AHI1: variants seen among roughly 807,000 people sequenced by gnomAD.
AHI1 encodes the protein jouberin.
AHI1 carries 123 observed loss-of-function variants against 149.3 expected under a neutral mutation model. The ratio of observed to expected loss-of-function variants is 0.82; its 90% CI spans 0.71 to 0.96. The LOEUF (loss-of-function observed/expected upper bound fraction) is 0.96, where lower values mean the gene tolerates loss of function less well. AHI1 is among the 40% of genes least tolerant of loss of function. AHI1 has a pLI of 0.00. For missense variants in AHI1, 1,439 were observed against 1,422.7 expected (o/e 1.01, Z -0.18); for synonymous variants, 475 against 459.8 (o/e 1.03, Z -0.42).
intron 5 of AHI1, among the ~76,000 whole-genome samples, chr6:135,471,752 C>T (rs1174222233): frequency 6.6e-6 from 1 of 151,966 alleles, no homozygotes; most frequent in African/African-American, 2.4e-5. Context: ...GTGGCTCACG[C>T]CTGTAATCCC....
At chr6:135,298,961 C>G (rs1185375046) in intron 27 of AHI1, among the ~76,000 whole-genome samples, 1 of 152,048 alleles carries the variant, frequency 6.6e-6, no homozygotes, top group Non-Finnish European at 1.5e-5. Context: ...GAGCACTGTT[C>G]CCATGATGTG....
At chr6:135,389,520 AGGTCTAAC>A (rs1778156242) in intron 23 of AHI1, among the ~76,000 whole-genome samples, 1 of 152,174 alleles carries the variant, frequency 6.6e-6, no homozygotes, top group Non-Finnish European at 1.5e-5. Flanking sequence ...TAGTTTTACA[AGGTCTAAC>A]GGAGAACACA....
chr6:135,302,837 C>T (rs1468917625), intron 26 of AHI1: 1 of 1,288,590 alleles, frequency 7.8e-7, no homozygotes, highest in Non-Finnish European at 1.0e-6. Context: ...AAAAAGCCCC[C>T]AAGGCTGGTG....
chr6:135,475,849 G>A (rs770019163), intron 5 of AHI1, among the ~76,000 whole-genome samples: 2 of 152,092 alleles, frequency 1.3e-5, no homozygotes, highest in South Asian at 2.1e-4. Flanking sequence ...TGAGTCCTGT[G>A]AGTCTCTCTA....
At chr6:135,400,981 C>T (rs1779952863) in intron 22 of AHI1, among the ~76,000 whole-genome samples, 1 of 152,180 alleles carries the variant, frequency 6.6e-6, no homozygotes. Context: ...TGGGTCCTAT[C>T]CTTAACCTCA....
At chr6:135,287,093 T>G (rs900815930) in intron 28 of AHI1, among the ~76,000 whole-genome samples, 1 of 151,962 alleles carries the variant, frequency 6.6e-6, no homozygotes, top group East Asian at 1.9e-4. Flanking sequence ...GAGTTCATGT[T>G]AGTGGGAGGA....
intron 28 of AHI1, 29 bp from the exon 29 acceptor site, chr6:135,285,676 A>C (rs1477687999): frequency 6.3e-7 from 1 of 1,580,844 alleles, no homozygotes; most frequent in Non-Finnish European, 8.6e-7. Flanking sequence ...AAAATGTACT[A>C]AATAAACTTG....
At chr6:135,382,350 C>T (rs1003405826) in intron 23 of AHI1, among the ~76,000 whole-genome samples, 29 of 152,176 alleles carry the variant, frequency 1.9e-4, no homozygotes, top group African/African-American at 7.0e-4. Flanking sequence ...TAAAAATGTG[C>T]ATTTAAAATT....
chr6:135,401,787 T>G (rs1780058175), intron 22 of AHI1, among the ~76,000 whole-genome samples: 1 of 152,090 alleles, frequency 6.6e-6, no homozygotes, highest in South Asian at 2.1e-4. Context: ...TAGAAAATGG[T>G]TTTTTATTAC....
chr6:135,367,935 A>G (rs1176326985), intron 23 of AHI1, among the ~76,000 whole-genome samples: 1 of 152,116 alleles, frequency 6.6e-6, no homozygotes, highest in Non-Finnish European at 1.5e-5. Flanking sequence ...TTGTTTTGTC[A>G]TATTACCAGA....
intron 23 of AHI1, among the ~76,000 whole-genome samples, chr6:135,389,999 G>A (rs1359826961): frequency 1.7e-5 from 2 of 115,800 alleles, no homozygotes; most frequent in African/African-American, 4.2e-5. Context: ...TAAATATTAT[G>A]AGTTTTTTTG....
rs1780534545 is a variant in AHI1 at position 135,404,889 on chromosome 6, C to G, written c.2988+62G>C. 9 of 1,457,772 alleles carry G rather than the reference C, an allele frequency of 6.2e-6. No homozygotes were observed. The East Asian group carries it at 2.0e-4, about 33-fold the overall frequency. 90.3% of individuals were successfully genotyped at this position (1,457,772 alleles called of 1,614,324 possible). ...TTCCAAACTCTATGAATGGTGCATTCCAGTTCTTTGGAGCATCACTATACC... is the reference window on the plus strand; with the variant it reads ...TTCCAAACTCTATGAATGGTGCATTGCAGTTCTTTGGAGCATCACTATACC... On this transcript the variant is annotated intron_variant, in intron 22 of 28. Transcript: ENST00000265602.
At chr6:135,307,708 TAA>T (rs1401533289) in intron 26 of AHI1, among the ~76,000 whole-genome samples, 2 of 150,984 alleles carry the variant, frequency 1.3e-5, no homozygotes, top group Admixed American at 6.6e-5. Context: ...TTAATACTTA[TAA>T]GTGTTTTTTC....
chr6:135,455,628 C>T (rs945368943), intron 10 of AHI1, 106 bp downstream of exon 10: 14 of 886,854 alleles, frequency 1.6e-5, no homozygotes, highest in African/African-American at 1.2e-4. Context: ...TAAATTCTCA[C>T]ACAACTTTTT....
intron 5 of AHI1, among the ~76,000 whole-genome samples, chr6:135,478,691 T>A (rs1793115838): frequency 6.6e-6 from 1 of 152,252 alleles, no homozygotes; most frequent in South Asian, 2.1e-4. Context: ...AATTCTAGGC[T>A]GCAGAAATGT....
intron 5 of AHI1, among the ~76,000 whole-genome samples, chr6:135,473,027 T>G: frequency 6.6e-6 from 1 of 152,184 alleles, no homozygotes; most frequent in East Asian, 1.9e-4. Flanking sequence ...TTTTGTATCC[T>G]GAGAAATCTT....
At chr6:135,436,102 T>C (rs771554090) in intron 15 of AHI1, among the ~76,000 whole-genome samples, 4 of 152,044 alleles carry the variant, frequency 2.6e-5, no homozygotes, top group Non-Finnish European at 5.9e-5. Flanking sequence ...ATAAAAAAGG[T>C]GTGCGCTAGA....
At chr6:135,299,786 T>C (rs1783620422) in intron 27 of AHI1, among the ~76,000 whole-genome samples, 1 of 152,212 alleles carries the variant, frequency 6.6e-6, no homozygotes, top group Non-Finnish European at 1.5e-5. Flanking sequence ...ATTAAGCATT[T>C]ATAGAAAATA....
intron 24 of AHI1, among the ~76,000 whole-genome samples, chr6:135,325,563 A>G (rs1787542065): frequency 1.3e-5 from 2 of 152,104 alleles, no homozygotes; most frequent in African/African-American, 4.8e-5. Flanking sequence ...CTTTATTTCC[A>G]TTTTACAAAA....
Sources: allele counts gnomAD v4.1 joint callset (sites outside exome capture counted in the v4.1 genomes callset), GRCh38; gene constraint gnomAD v4.1.1; transcripts MANE v1.5; gene names NCBI Gene and HGNC (gene_info 2026-07-23, HGNC 2026-07-21).